Variants in MATK observed in about 807,000 individuals in gnomAD.
The protein encoded by MATK is megakaryocyte-associated tyrosine-protein kinase.
MATK carries 41 observed loss-of-function variants against 59.8 expected under a neutral mutation model. The observed-to-expected ratio is 0.69, with a 90% confidence interval of 0.53 to 0.89. MATK has a LOEUF of 0.89. Ranked by LOEUF, MATK falls within the 40% of genes least tolerant of loss-of-function variation. The probability of loss-of-function intolerance (pLI) is 0.00; values close to 1 mark genes in which losing one functional copy is unlikely to be tolerated. For missense variants in MATK, 593 were observed against 719.6 expected (o/e 0.82, Z 2.01); for synonymous variants, 308 against 306.1 (o/e 1.01, Z -0.06).
In MATK at chr19:3,783,803, G is replaced by C. The variant is rs1290788247; in HGVS notation, c.582+11C>G. 6.2e-7 allele frequency: 1 copy of C among 1,607,172 alleles called. No homozygotes were observed. Among genetic ancestry groups the C allele is most frequent in the Non-Finnish European group, 8.5e-7 (1 of 1,175,476 alleles). ...CTGCAGGGACGGGGTGGGGCCTCTG[G>C]GTGGCAGCACCTCCACCATGTCCAT... On this transcript the variant is annotated intron_variant, in intron 6 of 13. Transcript: ENST00000310132.
At chr19:3,800,922 G>A (rs866862242) in intron 1 of MATK, among the ~76,000 whole-genome samples, 13 of 151,938 alleles carry the variant, frequency 8.6e-5, no homozygotes, top group Admixed American at 5.2e-4. Flanking sequence ...GTGCAGTGGC[G>A]CAATCTCGGC....
chr19:3,798,451 C>T (rs761492466), intron 1 of MATK, among the ~76,000 whole-genome samples: 1 of 152,278 alleles, frequency 6.6e-6, no homozygotes, highest in East Asian at 1.9e-4. Flanking sequence ...TGGCATCCAG[C>T]GTTCTAGAAG....
rs763245298 is a variant in MATK at position 3,785,068 on chromosome 19, G to T, written c.68C>A (p.Pro23His). 6.2e-6 allele frequency: 10 copies of T among 1,613,938 alleles called. No individual in the cohort carries two copies. The East Asian group carries it at 1.8e-4, about 29-fold the overall frequency. Residue 23 changes from proline to histidine, a missense_variant, in exon 2 of 14, where the codon CCC (proline) becomes CAC (histidine). Pro to His is a moderately conservative substitution (Grantham distance 77). Transcript: ENST00000310132. ...FHGCDSAEEL[P>H]RVSPRFLRAW... ...CTGTGGGGAAGTGATCTTTACCCGG[G>T]GAAGTTCCTCAGCAGAATCACAGCC...
chr19:3,783,655 C>G (rs1358516756), intron 6 of MATK, among the ~76,000 whole-genome samples, 159 bp downstream of exon 6: 1 of 152,064 alleles, frequency 6.6e-6, no homozygotes, highest in Non-Finnish European at 1.5e-5. Context: ...TCAGGGGGTC[C>G]CGGGTGATCA....
At chr19:3,797,245 C>CA (rs1555750443) in intron 1 of MATK, among the ~76,000 whole-genome samples, 3 of 136,528 alleles carry the variant, frequency 2.2e-5, no homozygotes, top group East Asian at 2.4e-4. Context: ...CCCACCCCCC[C>CA]ACTTTCTACT....
In MATK at chr19:3,801,130, C is replaced by T. The variant is rs181640609; in HGVS notation, c.-58+402G>A. ...GGGATGACAGGCGTGAGCCACCGCG[C>T]CCGGCCGATGCTTCCTAATGCATTT... On this transcript the variant is annotated intron_variant, in intron 1 of 13. Transcript: ENST00000395045. 1.5e-3 allele frequency among the ~76,000 whole-genome samples: 236 copies of T among 152,316 alleles called. 1 individual carries two copies. Among genetic ancestry groups the T allele is most frequent in the East Asian group, 0.014 (73 of 5,174 alleles).
chr19:3,786,210 C>T lies in MATK; in HGVS notation c.-193G>A, dbSNP rs1409770285. On this transcript the variant is annotated 5_prime_UTR_variant, in exon 1 of 14. Coordinates refer to ENST00000310132, the MANE Select transcript of MATK (RefSeq NM_139355.3). The surrounding 1 kb of genome is among the most constrained non-coding windows in gnomAD (Gnocchi z 4.1). ...CCCGAGCCGCGCCCCGCGCCCGCCC[C>T]CAGGAGGGCCTCCGCGAGCCGGCTG... 5.1e-6 allele frequency: 5 copies of T among 984,206 alleles called. No homozygotes were observed. The East Asian group carries it at 5.7e-4, about 112-fold the overall frequency. The allele number at this position is 984,206 out of a possible 1,614,324, so 61.0% of individuals were successfully genotyped here.
Position 3,778,155 on chromosome 19 carries a change from CTGGGGCCAAGGGCCCCACCGGG to C in MATK, c.*6_*27del, listed in dbSNP as rs759370851. The C allele has an allele frequency of 5.2e-6, 8 of 1,535,992 alleles. No individual in the cohort carries two copies. The South Asian group carries it at 9.6e-5, about 18-fold the overall frequency. On this transcript the variant is annotated 3_prime_UTR_variant, in exon 14 of 14. Transcript: ENST00000310132. Reference sequence around the variant, plus strand: ...CCGCACTCTCCACTCTCTCGGTCCTCTGGGGCCAAGGGCCCCACCGGGTGGGGTCAGGGCTCCTGGCTTCGGG... The same window carrying C: ...CCGCACTCTCCACTCTCTCGGTCCTCTGGGGTCAGGGCTCCTGGCTTCGGG...
Position 3,779,454 on chromosome 19 carries a change from G to A in MATK, c.928-3C>T. On this transcript the variant is annotated splice_region_variant and splice_polypyrimidine_tract_variant and intron_variant, in intron 10 of 13. Coordinates refer to ENST00000310132, the MANE Select transcript of MATK (RefSeq NM_139355.3). The stretch of plus-strand genomic sequence containing the variant: ...CGCAGAAAGTTCACCAGGTTGCCCT[G>A]TTGGGGGTGGGAGATGGCCGCGGGA... The A allele has an allele frequency of 1.2e-6, 2 of 1,613,132 alleles. No homozygotes were observed. The highest frequency in any genetic ancestry group is 1.1e-5 in the South Asian group (1 of 91,088).
chr19:3,780,868 T>G (rs1375526294), intron 8 of MATK, among the ~76,000 whole-genome samples: 1 of 152,054 alleles, frequency 6.6e-6, no homozygotes. Flanking sequence ...CCTGAGTAGC[T>G]GGGACTACAG....
intron 8 of MATK, among the ~76,000 whole-genome samples, chr19:3,780,694 A>G (rs2037388205): frequency 6.6e-6 from 1 of 151,500 alleles, no homozygotes; most frequent in Non-Finnish European, 1.5e-5. Context: ...AGCCTCCCAA[A>G]GTGCTGGGAT....
At chr19:3,797,632 G>A (rs543749219) in intron 1 of MATK, among the ~76,000 whole-genome samples, 5 of 151,994 alleles carry the variant, frequency 3.3e-5, no homozygotes, top group Admixed American at 6.6e-5. Context: ...TTCTTTTACC[G>A]TTCCTCTTTA....
intron 6 of MATK, 70 bp downstream of exon 6, chr19:3,783,740 CTACG>C (rs1233602840): frequency 1.1e-5 from 16 of 1,412,048 alleles, no homozygotes; most frequent in Non-Finnish European, 1.5e-5. Flanking sequence ...CCCTCTATCT[CTACG>C]TAGGGGAGTC....
chr19:3,779,850 G>A, intron 8 of MATK, 53 bp from the exon 9 acceptor site: 4 of 1,072,402 alleles, frequency 3.7e-6, no homozygotes, highest in East Asian at 2.4e-5. Context: ...AACAAACAGG[G>A]ACAGAGAGAC....
chr19:3,779,256 G>A (rs935571040), intron 11 of MATK, 69 bp from the exon 12 acceptor site: 146 of 1,541,642 alleles, frequency 9.5e-5, no homozygotes, highest in Non-Finnish European at 1.2e-4. Context: ...AGAAAGCTCG[G>A]GGTGCCTGGG....
rs887940172 is a variant in MATK, at chr19:3,778,292, C to T, written c.1415G>A (p.Arg472His). 9.5e-6 allele frequency: 15 copies of T among 1,575,170 alleles called. No homozygotes were observed. The highest frequency in any genetic ancestry group is 2.2e-5 in the East Asian group (1 of 44,498). Residue 472 changes from arginine to histidine, a missense_variant, in exon 14 of 14, where the codon CGC becomes CAC. Arg to His is a conservative substitution (Grantham distance 29). Coordinates refer to ENST00000310132, the MANE Select transcript of MATK (RefSeq NM_139355.3). Reference sequence around the variant, plus strand: ...CCGGGCCAGCTTCTCGGCCAGTTTGCGGAAGGGTGGCCGGCGGGCGGGCTC... The same window carrying T: ...CCGGGCCAGCTTCTCGGCCAGTTTGTGGAAGGGTGGCCGGCGGGCGGGCTC... ...EAEPARRPPFRKLAEKLAREL... is the reference protein window; with the variant it reads ...EAEPARRPPFHKLAEKLAREL...
intron 7 of MATK, 129 bp downstream of exon 7, chr19:3,782,997 A>G (rs1174547140): frequency 1.3e-6 from 1 of 790,114 alleles, no homozygotes; most frequent in Non-Finnish European, 2.1e-6. Flanking sequence ...CAGGTCTTCT[A>G]TCCCATAGCT....
At chr19:3,791,732 C>T (rs2037543425) in intron 1 of MATK, among the ~76,000 whole-genome samples, 1 of 152,140 alleles carries the variant, frequency 6.6e-6, no homozygotes, top group South Asian at 2.1e-4. Flanking sequence ...CCATAGACCC[C>T]CCTCTGGCTG....
intron 8 of MATK, among the ~76,000 whole-genome samples, chr19:3,780,389 C>T (rs2037383456): frequency 6.6e-6 from 1 of 152,072 alleles, no homozygotes; most frequent in Non-Finnish European, 1.5e-5. Context: ...TTTTGCAAGA[C>T]CCTTCAGCTC....
Sources: allele counts gnomAD v4.1 joint callset (sites outside exome capture counted in the v4.1 genomes callset), GRCh38; gene constraint gnomAD v4.1.1; non-coding constraint Gnocchi (gnomAD v3.1); transcripts MANE v1.5; gene names NCBI Gene and HGNC (gene_info 2026-07-23, HGNC 2026-07-21).